The following CHMP4C variants were observed in gnomAD, a reference collection of about 807,000 sequenced individuals.
The protein encoded by CHMP4C is SNF7 homolog associated with Alix 3.
CHMP4C carries 28 observed loss-of-function variants against 29.0 expected under a neutral mutation model. The observed-to-expected ratio is 0.97, with a 90% confidence interval of 0.72 to 1.32. The LOEUF is 1.32. Among genes scored for constraint, CHMP4C ranks in the 40% most tolerant of loss-of-function variants. The pLI is 0.00. For missense variants in CHMP4C, 291 were observed against 281.0 expected, an observed-to-expected ratio of 1.04 and a Z score of -0.25; for synonymous variants, 106 against 102.4, an observed-to-expected ratio of 1.04 and a Z score of -0.21.
In CHMP4C at chr8:81,753,259, C is replaced by G; in HGVS notation, c.368+18C>G. 2 of 1,567,180 alleles carry G rather than the reference C, an allele frequency of 1.3e-6. No homozygotes were observed. The highest frequency in any genetic ancestry group is 1.7e-6 in the Non-Finnish European group (2 of 1,156,580). On this transcript the variant is annotated intron_variant, in intron 2 of 4. Transcript: ENST00000297265. ...GAAAACATGTGAGTGACTCTGGTCT[C>G]CCTCTGAATCATAAATTCCCTCAGT...
intron 1 of CHMP4C, among the ~76,000 whole-genome samples, chr8:81,747,372 G>A (rs759642115): frequency 3.3e-5 from 5 of 151,910 alleles, no homozygotes; most frequent in Non-Finnish European, 7.4e-5. Context: ...AAGCCTTAGG[G>A]TCAATGGGTA....
At chr8:81,752,340 AG>A (rs906671548) in intron 1 of CHMP4C, among the ~76,000 whole-genome samples, 2 of 152,086 alleles carry the variant, frequency 1.3e-5, no homozygotes, top group African/African-American at 4.8e-5. Context: ...CACAGTCAAG[AG>A]GGCTCTACTT....
chr8:81,755,737 G>C (rs1194894566), intron 3 of CHMP4C, among the ~76,000 whole-genome samples: 10 of 152,190 alleles, frequency 6.6e-5, no homozygotes. Context: ...TAAAGTTAGT[G>C]ACTTTTAGTG....
intron 1 of CHMP4C, among the ~76,000 whole-genome samples, chr8:81,736,723 A>G (rs1808696406): frequency 6.6e-6 from 1 of 152,178 alleles, no homozygotes; most frequent in African/African-American, 2.4e-5. Context: ...CCTTTCATGC[A>G]GGGTGAATTG....
chr8:81,747,706 C>T (rs1186384989), intron 1 of CHMP4C, among the ~76,000 whole-genome samples: 3 of 152,010 alleles, frequency 2.0e-5, no homozygotes, highest in African/African-American at 7.2e-5. Context: ...TAAAACTGGA[C>T]GTCCAGGGGA....
chr8:81,758,507 A>T lies in CHMP4C; in HGVS notation c.665A>T (p.Asp222Val). Residue 222 changes from aspartate (D) to valine (V), a missense_variant, in exon 5 of 5, where the codon GAT (aspartate) becomes GTT (valine). Physicochemically the swap from Asp to Val is radical, Grantham distance 152. Coordinates refer to ENST00000297265, the MANE Select transcript of CHMP4C (RefSeq NM_152284.4). ...TCTTCCCAGAGGGCAGAAGAAGAGG[A>T]TGATGATATCAAACAATTGGCAGCT... ...AASSQRAEEE[D>V]DDIKQLAAWA... 6.2e-7 allele frequency: 1 copy of T among 1,613,428 alleles called. No individual in the cohort carries two copies. The highest frequency in any genetic ancestry group is 1.1e-5 in the South Asian group (1 of 91,036).
chr8:81,749,073 C>G (rs1372556845), intron 1 of CHMP4C, among the ~76,000 whole-genome samples: 1 of 152,056 alleles, frequency 6.6e-6, no homozygotes, highest in African/African-American at 2.4e-5. Flanking sequence ...ATCACGCAGC[C>G]TGATATAATC....
intron 1 of CHMP4C, among the ~76,000 whole-genome samples, chr8:81,738,916 C>A (rs1351341113): frequency 2.6e-5 from 4 of 152,076 alleles, no homozygotes; most frequent in African/African-American, 9.7e-5. Flanking sequence ...TGACTGCTCC[C>A]CACTTTGAGA....
At chr8:81,735,388 C>G (rs1250623882) in intron 1 of CHMP4C, among the ~76,000 whole-genome samples, 2 of 152,132 alleles carry the variant, frequency 1.3e-5, no homozygotes, top group African/African-American at 4.8e-5. Flanking sequence ...ATATCAGAAC[C>G]TTCTAAATAA....
chr8:81,759,353 A>C lies in CHMP4C; in HGVS notation c.*809A>C, dbSNP rs1809016166. 1 of 152,372 alleles carries C rather than the reference A, an allele frequency of 6.6e-6. No individual in the cohort carries two copies. Among genetic ancestry groups the C allele is most frequent in the South Asian group, 2.1e-4 (1 of 4,824 alleles). 9.4% of individuals were successfully genotyped at this position (152,372 alleles called of 1,614,324 possible). A position where few individuals can be genotyped will look rare whatever the true frequency, so the allele number is the denominator to read the frequency against. On this transcript the variant is annotated 3_prime_UTR_variant, in exon 5 of 5. Coordinates refer to ENST00000297265, the MANE Select transcript of CHMP4C (RefSeq NM_152284.4). ...TTTAGCCACTTAGGGAACTGCGTGA[A>C]CACTCCCAGGCCATTATGATGCTGT... is the stretch of plus-strand genomic sequence containing the variant.
At chr8:81,754,590 A>G (rs927095668) in intron 2 of CHMP4C, among the ~76,000 whole-genome samples, 3 of 152,154 alleles carry the variant, frequency 2.0e-5, no homozygotes, top group Admixed American at 1.3e-4. Context: ...GTTCTCTTAT[A>G]TCCAATCAGT....
rs761935651 is a variant in CHMP4C, at chr8:81,732,651, A to G, written c.25A>G (p.Lys9Glu). 4 of 1,558,422 alleles carry G rather than the reference A, an allele frequency of 2.6e-6. No individual in the cohort carries two copies. The highest frequency in any genetic ancestry group is 3.5e-6 in the Non-Finnish European group (4 of 1,151,812). MSKLGKFF[K>E]GGGSSKSRAA... ...AATGAGCAAGTTGGGCAAGTTCTTT[A>G]AAGGGGGCGGCTCTTCTAAGAGCCG... Residue 9 changes from lysine (K) to glutamate (E), a missense_variant, in exon 1 of 5, where the codon AAA (lysine) becomes GAA (glutamate). Lys to Glu is a moderately conservative substitution (Grantham distance 56, BLOSUM62 1). Transcript: ENST00000297265.
chr8:81,735,028 G>A lies in CHMP4C; in HGVS notation c.190+2212G>A, dbSNP rs561438747. ...CCTGCCTCAGCTTCCCGAGTAGCTG[G>A]GATTACAGGCGTGCACCACCATGCC... is the stretch of plus-strand genomic sequence containing the variant. On this transcript the variant is annotated intron_variant, in intron 1 of 4. Coordinates refer to ENST00000297265, the MANE Select transcript of CHMP4C (RefSeq NM_152284.4). 2.6e-5 allele frequency among the ~76,000 whole-genome samples: 4 copies of A among 152,024 alleles called. No individual in the cohort carries two copies. In the South Asian group the frequency reaches 6.2e-4, roughly 24 times the overall value.
chr8:81,735,170 A>T (rs1808672071), intron 1 of CHMP4C, among the ~76,000 whole-genome samples: 1 of 152,190 alleles, frequency 6.6e-6, no homozygotes, highest in South Asian at 2.1e-4. Context: ...CTGGGATTAC[A>T]GGTGTGAGCC....
chr8:81,743,287 T>C (rs895013302), intron 1 of CHMP4C, among the ~76,000 whole-genome samples: 1 of 150,996 alleles, frequency 6.6e-6, no homozygotes, highest in Non-Finnish European at 1.5e-5. Flanking sequence ...CATCTGTAGG[T>C]ACACACATCT....
In CHMP4C at chr8:81,732,479, T is replaced by G; in HGVS notation, c.-148T>G. On this transcript the variant is annotated 5_prime_UTR_variant, in exon 1 of 5. Coordinates refer to ENST00000297265, the MANE Select transcript of CHMP4C (RefSeq NM_152284.4). ...GAAATGCCCTGGAGTGTGTGTCACC[T>G]GTCCAGGACGACTTGTTGATTCCCA... 1 of 558,830 alleles carries G rather than the reference T, an allele frequency of 1.8e-6. No homozygotes were observed. The highest frequency in any genetic ancestry group is 3.0e-5 in the East Asian group (1 of 33,508). The allele number at this position is 558,830 out of a possible 1,614,324, so 34.6% of individuals were successfully genotyped here. A position where few individuals can be genotyped will look rare whatever the true frequency, so the allele number is the denominator to read the frequency against.
intron 1 of CHMP4C, among the ~76,000 whole-genome samples, chr8:81,742,633 G>A (rs898936900): frequency 5.3e-5 from 8 of 152,176 alleles, no homozygotes; most frequent in African/African-American, 1.4e-4. Flanking sequence ...ATTTGCTGCA[G>A]CAGTAACGTT....
chr8:81,742,635 A>G (rs917943215), intron 1 of CHMP4C, among the ~76,000 whole-genome samples: 1 of 152,224 alleles, frequency 6.6e-6, no homozygotes, highest in Non-Finnish European at 1.5e-5. Flanking sequence ...TTGCTGCAGC[A>G]GTAACGTTGT....
Position 81,758,663 on chromosome 8 carries a change from G to A in CHMP4C, c.*119G>A, listed in dbSNP as rs1809002389. 3 of 734,970 alleles carry A rather than the reference G, an allele frequency of 4.1e-6. No homozygotes were observed. In the South Asian group the frequency reaches 5.4e-5, roughly 13 times the overall value. 45.5% of individuals were successfully genotyped at this position (734,970 alleles called of 1,614,324 possible). On this transcript the variant is annotated 3_prime_UTR_variant, in exon 5 of 5. Transcript: ENST00000297265. ...TTATAATTATATTGAATGAATAATT[G>A]TGTTTTAAGCCTCCTAAGTAAAAGT...
Sources: allele counts gnomAD v4.1 joint callset (sites outside exome capture counted in the v4.1 genomes callset), GRCh38; gene constraint gnomAD v4.1.1; transcripts MANE v1.5; gene names NCBI Gene and HGNC (gene_info 2026-07-23, HGNC 2026-07-21).